Variants in OR1L8 observed in about 807,000 individuals in gnomAD.
OR1L8 encodes olfactory receptor 1L8.
For synonymous variants in OR1L8, 148 were observed against 147.0 expected (o/e 1.01, Z -0.05); for missense variants, 330 against 377.4 (o/e 0.87, Z 1.04).
At chr9:122,551,358 T>C in the OR1L8 span, among the ~76,000 whole-genome samples, 5 of 152,204 alleles carry the variant, frequency 3.3e-5, no homozygotes, top group African/African-American at 1.2e-4. Flanking sequence ...GCAGCTGCTT[T>C]GTATGAGGCA....
At chr9:122,569,865 T>G (rs1829509017) in intron 4 of OR1L8, among the ~76,000 whole-genome samples, 1 of 151,404 alleles carries the variant, frequency 6.6e-6, no homozygotes, top group Non-Finnish European at 1.5e-5. Context: ...GAGTGTGATG[T>G]TCCCCTTCCT....
chr9:122,568,218 A>G lies in OR1L8; in HGVS notation c.260T>C (p.Leu87Pro). 1.2e-6 allele frequency: 2 copies of G among 1,614,210 alleles called. No individual in the cohort carries two copies. The highest frequency in any genetic ancestry group is 1.7e-5 in the Admixed American group (1 of 60,036). ...SVVPKMLMNF[L>P]SEKKTISYAG... The stretch of plus-strand genomic sequence containing the variant: ...ATAGGAGATGGTCTTCTTTTCTGAC[A>G]GGAAGTTCATCAGCATCTTGGGGAC... Residue 87 changes from leucine to proline, a missense_variant, in exon 5 of 5, where the codon CTG (leucine) becomes CCG (proline). Leu to Pro is a moderately conservative substitution (Grantham distance 98). Coordinates refer to ENST00000641027, the MANE Select transcript of OR1L8 (RefSeq NM_001004454.2).
the OR1L8 span, among the ~76,000 whole-genome samples, chr9:122,558,613 A>G: frequency 6.6e-6 from 1 of 151,630 alleles, no homozygotes; most frequent in Admixed American, 6.6e-5. Context: ...GAGTTTTATT[A>G]GTTTTCCCAT....
the OR1L8 span, chr9:122,553,584 C>G: frequency 6.2e-7 from 1 of 1,614,010 alleles, no homozygotes; most frequent in Non-Finnish European, 8.5e-7. Flanking sequence ...GGCATATGAC[C>G]GCTATGTGGC....
chr9:122,579,393 C>T (rs1299925025), intron 1 of OR1L8, among the ~76,000 whole-genome samples: 1 of 151,920 alleles, frequency 6.6e-6, no homozygotes, highest in South Asian at 2.1e-4. Flanking sequence ...ATACCTATCC[C>T]TTGTCTGGAG....
chr9:122,560,055 T>C, the OR1L8 span, among the ~76,000 whole-genome samples: 1 of 152,230 alleles, frequency 6.6e-6, no homozygotes, highest in East Asian at 1.9e-4. Context: ...GCTCTTCCTG[T>C]TGCATTGTTC....
intron 4 of OR1L8, among the ~76,000 whole-genome samples, chr9:122,570,648 C>G (rs564617527): frequency 6.6e-6 from 1 of 152,308 alleles, no homozygotes; most frequent in African/African-American, 2.4e-5. Context: ...ACCTCAGCGT[C>G]ATCGTCCCTT....
At chr9:122,556,408 C>T in the OR1L8 span, among the ~76,000 whole-genome samples, 1 of 151,488 alleles carries the variant, frequency 6.6e-6, no homozygotes, top group Admixed American at 6.6e-5. Flanking sequence ...GGGTCTATTT[C>T]TGGGCTCTTT....
chr9:122,563,387 G>C (rs1020445954), downstream of OR1L8, among the ~76,000 whole-genome samples: 6 of 152,090 alleles, frequency 3.9e-5, no homozygotes, highest in African/African-American at 7.2e-5. Flanking sequence ...CCATAAGCTT[G>C]TTGACCATAT....
downstream of OR1L8, among the ~76,000 whole-genome samples, chr9:122,564,349 T>C (rs925521635): frequency 1.3e-5 from 2 of 152,210 alleles, no homozygotes; most frequent in Non-Finnish European, 2.9e-5. Context: ...ATAATTAGAA[T>C]AGGCATACTT....
At chr9:122,552,263 A>T in the OR1L8 span, among the ~76,000 whole-genome samples, 1 of 152,170 alleles carries the variant, frequency 6.6e-6, no homozygotes, top group South Asian at 2.1e-4. Context: ...ATCAATATGA[A>T]ATGGTTTCTC....
chr9:122,550,904 C>T, the OR1L8 span, among the ~76,000 whole-genome samples: 1 of 151,628 alleles, frequency 6.6e-6, no homozygotes, highest in Non-Finnish European at 1.5e-5. Flanking sequence ...AACTGGAAGT[C>T]CTTAACCAGA....
At position 122,567,330 on chromosome 9, in the gene OR1L8, C is replaced by G; in HGVS notation, c.*218G>C. 4.8e-6 allele frequency: 2 copies of G among 416,358 alleles called. No individual in the cohort carries two copies. The highest frequency in any genetic ancestry group is 8.5e-6 in the Non-Finnish European group (2 of 236,094). 25.8% of individuals were successfully genotyped at this position (416,358 alleles called of 1,614,324 possible). A position where few individuals can be genotyped will look rare whatever the true frequency, so the allele number is the denominator to read the frequency against. On this transcript the variant is annotated 3_prime_UTR_variant, in exon 5 of 5. Transcript: ENST00000641027. ...GAGAAAGTGGAAAAAATAAATCTTT[C>G]CAAGAAAGAGGAGACACAGACAGGA...
chr9:122,549,364 G>A, the OR1L8 span, among the ~76,000 whole-genome samples: 5 of 152,080 alleles, frequency 3.3e-5, no homozygotes, highest in African/African-American at 9.7e-5. Flanking sequence ...GCAGAACCAT[G>A]GGCCAAATAA....
chr9:122,578,863 C>G (rs140605615), intron 1 of OR1L8, among the ~76,000 whole-genome samples: 1 of 152,042 alleles, frequency 6.6e-6, no homozygotes, highest in African/African-American at 2.4e-5. Context: ...GTACACTGCT[C>G]GGGTGCACCA....
the OR1L8 span, among the ~76,000 whole-genome samples, chr9:122,550,973 T>G: frequency 6.6e-6 from 1 of 152,030 alleles, no homozygotes; most frequent in Non-Finnish European, 1.5e-5. Flanking sequence ...AAAGTATCTT[T>G]GTTTGCTGAT....
chr9:122,567,330 C>A lies in OR1L8; in HGVS notation c.*218G>T, dbSNP rs1468260607. 4.8e-6 allele frequency: 2 copies of A among 416,240 alleles called. No homozygotes were observed. Among genetic ancestry groups the A allele is most frequent in the Non-Finnish European group, 8.5e-6 (2 of 236,102 alleles). The allele number at this position is 416,240 out of a possible 1,614,324, so 25.8% of individuals were successfully genotyped here. ...GAGAAAGTGGAAAAAATAAATCTTT[C>A]CAAGAAAGAGGAGACACAGACAGGA... On this transcript the variant is annotated 3_prime_UTR_variant, in exon 5 of 5. Coordinates refer to ENST00000641027, the MANE Select transcript of OR1L8 (RefSeq NM_001004454.2).
At chr9:122,552,590 A>G in the OR1L8 span, among the ~76,000 whole-genome samples, 10,124 of 152,008 alleles carry the variant, frequency 0.067, 444 homozygotes, top group South Asian at 0.22. Flanking sequence ...ACGACACCAG[A>G]CACCTACTGC....
the OR1L8 span, among the ~76,000 whole-genome samples, chr9:122,549,346 T>G: frequency 5.3e-5 from 8 of 152,186 alleles, no homozygotes; most frequent in Admixed American, 5.2e-4. Context: ...ATCCTTTGTG[T>G]ACAGCCTGCA....
Sources: gnomAD v4.1 joint callset for allele counts (sites outside exome capture counted in the v4.1 genomes callset) on GRCh38, gnomAD v4.1.1 for gene constraint, MANE v1.5 for transcripts, NCBI Gene and HGNC (gene_info 2026-07-23, HGNC 2026-07-21) for gene names.